Variants in CCDC90B observed in about 807,000 individuals in gnomAD.
CCDC90B encodes the protein coiled-coil domain containing 90B, also known as coiled-coil domain-containing protein 90B, mitochondrial.
Under a neutral mutation model 37.0 loss-of-function variants are expected in CCDC90B, and 24 were observed. The observed-to-expected ratio is 0.65, with a 90% CI of 0.47 to 0.91. The LOEUF (loss-of-function observed/expected upper bound fraction) is 0.91. CCDC90B is among the 40% of genes least tolerant of loss of function. The probability of loss-of-function intolerance (pLI) is 0.00; values close to 1 mark genes in which losing one functional copy is unlikely to be tolerated. For missense variants in CCDC90B, 319 were observed against 299.0 expected (o/e 1.07, Z -0.49); for synonymous variants, 113 against 101.1 (o/e 1.12, Z -0.71).
chr11:83,284,161 T>C (rs1021638904), intron 1 of CCDC90B, among the ~76,000 whole-genome samples: 2 of 152,176 alleles, frequency 1.3e-5, no homozygotes, highest in South Asian at 4.1e-4. Flanking sequence ...TTGATACCTA[T>C]CTTGTGGATT....
At position 83,284,890 on chromosome 11, in the gene CCDC90B, A is replaced by G. The variant is rs577928546; in HGVS notation, c.100+983T>C. Among the ~76,000 whole-genome samples, 4 of 152,304 alleles carry G rather than the reference A, an allele frequency of 2.6e-5. No homozygotes were observed. The East Asian group carries it at 7.7e-4, about 29-fold the overall frequency. On this transcript the variant is annotated intron_variant, in intron 1 of 8. Coordinates refer to ENST00000529689, the MANE Select transcript of CCDC90B (RefSeq NM_021825.5). ...TTCAAAAGTGCTACCTCCTTTTTGT[A>G]AAATCCATCATAATGTGTATGTATG...
chr11:83,279,467 G>A (rs191604229), intron 2 of CCDC90B, among the ~76,000 whole-genome samples: 19 of 152,084 alleles, frequency 1.2e-4, no homozygotes, highest in African/African-American at 4.3e-4. Context: ...TTGTAGAGAG[G>A]TTAAGCATTA....
chr11:83,262,333 A>C (rs1480010631), intron 8 of CCDC90B, among the ~76,000 whole-genome samples: 1 of 152,186 alleles, frequency 6.6e-6, no homozygotes, highest in Non-Finnish European at 1.5e-5. Flanking sequence ...TTAGGCTAGT[A>C]AAATATACAT....
chr11:83,269,959 G>C (rs879612545), intron 7 of CCDC90B, among the ~76,000 whole-genome samples: 15 of 152,124 alleles, frequency 9.9e-5, no homozygotes, highest in Non-Finnish European at 2.1e-4. Context: ...TATCCACCAC[G>C]ATCAAGTCGG....
chr11:83,285,666 A>C lies in CCDC90B; in HGVS notation c.100+207T>G, dbSNP rs1463407683. On this transcript the variant is annotated intron_variant, in intron 1 of 8. Transcript: ENST00000529689. ...GCCTTCAAAGGTTCGCTTTAAGAAC[A>C]GAAAGGCAGTGCTTTCCTCAGTCCT... The C allele has an allele frequency of 2.1e-6, 3 of 1,405,922 alleles. No individual in the cohort carries two copies. The African/African-American group carries it at 4.4e-5, about 20-fold the overall frequency. 87.1% of individuals were successfully genotyped at this position (1,405,922 alleles called of 1,614,324 possible).
intron 4 of CCDC90B, chr11:83,274,300 A>G: frequency 3.5e-6 from 1 of 289,182 alleles, no homozygotes; most frequent in Non-Finnish European, 6.3e-6. Flanking sequence ...TTAAGTCACA[A>G]AGACATTTAG....
At chr11:83,280,477 T>C (rs509891) in intron 1 of CCDC90B, among the ~76,000 whole-genome samples, 42,242 of 152,188 alleles carry the variant, frequency 0.28, 6,396 homozygotes, top group Non-Finnish European at 0.34. Flanking sequence ...ATGTTTCTTT[T>C]CCCTCCTTTG....
At position 83,285,672 on chromosome 11, in the gene CCDC90B, G is replaced by A. The variant is rs1057096263; in HGVS notation, c.100+201C>T. 1.2e-5 allele frequency: 17 copies of A among 1,411,712 alleles called. No homozygotes were observed. The African/African-American group carries it at 1.7e-4, about 14-fold the overall frequency. 87.4% of individuals were successfully genotyped at this position (1,411,712 alleles called of 1,614,324 possible). A position where few individuals can be genotyped will look rare whatever the true frequency, so the allele number is the denominator to read the frequency against. ...AAAGGTTCGCTTTAAGAACAGAAAGGCAGTGCTTTCCTCAGTCCTCGCCCC... is the reference window on the plus strand; with the variant it reads ...AAAGGTTCGCTTTAAGAACAGAAAGACAGTGCTTTCCTCAGTCCTCGCCCC... On this transcript the variant is annotated intron_variant, in intron 1 of 8. Transcript: ENST00000529689.
Position 83,264,104 on chromosome 11 carries a change from G to GTA in CCDC90B, c.709+1759_709+1760dup, listed in dbSNP as rs1240044200. ...CAGGGCCACCAAGATATGTGTGTGT[G>GTA]TATGTGTATTTACTCAAACGTTAAC... On this transcript the variant is annotated intron_variant, in intron 8 of 8. Coordinates refer to ENST00000529689, the MANE Select transcript of CCDC90B (RefSeq NM_021825.5). Among the ~76,000 whole-genome samples, 10 of 152,282 alleles carry GTA rather than the reference G, an allele frequency of 6.6e-5. No homozygotes were observed. In the East Asian group the frequency reaches 1.9e-3, roughly 29 times the overall value.
At chr11:83,264,525 C>G (rs1392352828) in intron 8 of CCDC90B, among the ~76,000 whole-genome samples, 1 of 152,136 alleles carries the variant, frequency 6.6e-6, no homozygotes, top group Admixed American at 6.5e-5. Flanking sequence ...TTGGCCCCCA[C>G]TCTCTTCTGG....
rs56353320 is a variant in CCDC90B at position 83,286,024 on chromosome 11, A to G, written c.-52T>C. ...AGGCGGAAGACGGGGTAAATCTCGC[A>G]CAGGCTTTCGGGCAAGGTAGTTCTG... On this transcript the variant is annotated 5_prime_UTR_variant, in exon 1 of 9. Transcript: ENST00000529689. The G allele has an allele frequency of 5.5e-3, 8,637 of 1,566,464 alleles. 37 individuals carry two copies. The highest frequency in any genetic ancestry group is 6.6e-3 in the Non-Finnish European group (7,594 of 1,156,252).
intron 7 of CCDC90B, 40 bp from the exon 8 acceptor site, chr11:83,266,019 A>G (rs1163587130): frequency 1.9e-6 from 2 of 1,033,956 alleles, no homozygotes; most frequent in Non-Finnish European, 3.0e-6. Context: ...TTTTGTCCCT[A>G]TGTATTAAAT....
chr11:83,267,133 G>A (rs1254422921), intron 7 of CCDC90B: 11 of 152,272 alleles, frequency 7.2e-5, no homozygotes, highest in African/African-American at 2.7e-4. Flanking sequence ...ACCAGAGGTA[G>A]ATAAAACAAC....
chr11:83,273,570 A>T, intron 7 of CCDC90B, 77 bp downstream of exon 7: 2 of 1,124,490 alleles, frequency 1.8e-6, no homozygotes, highest in South Asian at 1.7e-5. Flanking sequence ...GTCTAAACTT[A>T]TAAACTGGTA....
chr11:83,285,712 G>A (rs866802176), intron 1 of CCDC90B, 161 bp downstream of exon 1: 14 of 1,437,090 alleles, frequency 9.7e-6, no homozygotes, highest in Middle Eastern at 2.2e-4. Context: ...GGCGAGCTGG[G>A]CAAGTCGGGG....
At chr11:83,281,441 C>T (rs1473863064) in intron 1 of CCDC90B, among the ~76,000 whole-genome samples, 2 of 151,858 alleles carry the variant, frequency 1.3e-5, no homozygotes, top group Non-Finnish European at 2.9e-5. Flanking sequence ...AAAAATCTAA[C>T]AATAAACTCT....
intron 2 of CCDC90B, 96 bp from the exon 3 acceptor site, chr11:83,278,925 C>T (rs747636773): frequency 1.8e-5 from 12 of 653,692 alleles, no homozygotes; most frequent in Non-Finnish European, 3.0e-5. Flanking sequence ...AATTGTTATA[C>T]TCTTTTAAAT....
intron 3 of CCDC90B, among the ~76,000 whole-genome samples, chr11:83,277,542 G>A (rs1216989388): frequency 6.6e-6 from 1 of 152,042 alleles, no homozygotes; most frequent in Non-Finnish European, 1.5e-5. Flanking sequence ...GAGCGCAGTG[G>A]TGCAATGTTG....
At chr11:83,280,059 G>T in intron 2 of CCDC90B, 82 bp downstream of exon 2, 2 of 1,366,044 alleles carry the variant, frequency 1.5e-6, no homozygotes, top group Non-Finnish European at 2.0e-6. Flanking sequence ...ACTTTTGATT[G>T]TTCATAATAG....
Sources: allele counts gnomAD v4.1 joint callset (sites outside exome capture counted in the v4.1 genomes callset), GRCh38; gene constraint gnomAD v4.1.1; transcripts MANE v1.5; gene names NCBI Gene and HGNC (gene_info 2026-07-23, HGNC 2026-07-21).